The following SHROOM3 variants were observed in gnomAD, a reference collection of about 807,000 sequenced individuals.
SHROOM3 encodes the protein protein Shroom3.
In SHROOM3, 47 loss-of-function variants were observed where a neutral mutation model predicts 138.6. The ratio of observed to expected loss-of-function variants is 0.34; its 90% CI spans 0.27 to 0.43. SHROOM3 has a LOEUF of 0.43. SHROOM3 is among the 20% of genes least tolerant of loss of function. SHROOM3 has a pLI of 1.00. For missense variants in SHROOM3, 2,491 were observed against 2,596.5 expected, an observed-to-expected ratio of 0.96 and a Z score of 0.88; for synonymous variants, 1,062 against 1,063.3, an observed-to-expected ratio of 1.00 and a Z score of 0.02.
intron 1 of SHROOM3, among the ~76,000 whole-genome samples, chr4:76,550,595 T>G (rs1733330586): frequency 1.3e-5 from 2 of 152,056 alleles, no homozygotes; most frequent in African/African-American, 2.4e-5. Flanking sequence ...TGGTAATAAT[T>G]AAAACCCCAA....
At chr4:76,642,167 A>G (rs1735689092) in intron 2 of SHROOM3, among the ~76,000 whole-genome samples, 2 of 152,220 alleles carry the variant, frequency 1.3e-5, no homozygotes, top group South Asian at 2.1e-4. Context: ...GTTACAAAGT[A>G]ACAAAGCAAT....
At chr4:76,737,505 A>ACTT (rs962908239) in intron 4 of SHROOM3, among the ~76,000 whole-genome samples, 9 of 151,944 alleles carry the variant, frequency 5.9e-5, no homozygotes, top group African/African-American at 9.7e-5. Flanking sequence ...AAACTGCCAA[A>ACTT]CTTCTTTTAA....
intron 10 of SHROOM3, among the ~76,000 whole-genome samples, chr4:76,771,931 A>G (rs1722374122): frequency 6.6e-6 from 1 of 152,154 alleles, no homozygotes; most frequent in Admixed American, 6.5e-5. Context: ...TGAGCAAAGC[A>G]GACAGATCCT....
At chr4:76,478,524 T>TG (rs1183324982) in intron 1 of SHROOM3, among the ~76,000 whole-genome samples, 1 of 152,194 alleles carries the variant, frequency 6.6e-6, no homozygotes, top group Non-Finnish European at 1.5e-5. Context: ...ACAGAGCACC[T>TG]GGGGGAAGGG....
chr4:76,500,100 A>G (rs1198090467), intron 1 of SHROOM3, among the ~76,000 whole-genome samples: 1 of 152,192 alleles, frequency 6.6e-6, no homozygotes, highest in Non-Finnish European at 1.5e-5. Flanking sequence ...ATCTGACTTC[A>G]GAGTCCATGC....
At chr4:76,527,438 T>C (rs948328313) in intron 1 of SHROOM3, among the ~76,000 whole-genome samples, 1 of 151,972 alleles carries the variant, frequency 6.6e-6, no homozygotes, top group African/African-American at 2.4e-5. Flanking sequence ...CAAAAATTAG[T>C]TTGGCATAGT....
chr4:76,738,586 C>G (rs1281367551), intron 4 of SHROOM3, among the ~76,000 whole-genome samples, 175 bp from the exon 5 acceptor site: 1 of 152,214 alleles, frequency 6.6e-6, no homozygotes, highest in South Asian at 2.1e-4. Flanking sequence ...TGGGCAGTTA[C>G]TCCTAGCGAT....
chr4:76,701,772 TA>T (rs1719907298), intron 2 of SHROOM3, among the ~76,000 whole-genome samples: 1 of 152,194 alleles, frequency 6.6e-6, no homozygotes, highest in African/African-American at 2.4e-5. Context: ...TTTCAGCAGT[TA>T]TTGGAGCTCT....
chr4:76,550,589 A>G (rs1004345426), intron 1 of SHROOM3, among the ~76,000 whole-genome samples: 1 of 152,204 alleles, frequency 6.6e-6, no homozygotes, highest in Admixed American at 6.5e-5. Flanking sequence ...CTTCTTTGGT[A>G]ATAATTAAAA....
At chr4:76,674,570 T>G (rs1476981863) in intron 2 of SHROOM3, among the ~76,000 whole-genome samples, 1 of 144,182 alleles carries the variant, frequency 6.9e-6, no homozygotes, top group Admixed American at 6.9e-5. Flanking sequence ...TTTTTTTTTT[T>G]TTTTTTGTTT....
At chr4:76,438,208 G>A (rs1197815571) in intron 1 of SHROOM3, among the ~76,000 whole-genome samples, 1 of 152,140 alleles carries the variant, frequency 6.6e-6, no homozygotes, top group East Asian at 1.9e-4. Flanking sequence ...ACCAAAAGAT[G>A]GCTCTATGAT....
chr4:76,464,762 C>CT (rs1731218334), intron 1 of SHROOM3, among the ~76,000 whole-genome samples: 1 of 152,100 alleles, frequency 6.6e-6, no homozygotes, highest in Non-Finnish European at 1.5e-5. Context: ...GTGTGTAGCA[C>CT]TTCCCTCTTT....
intron 2 of SHROOM3, among the ~76,000 whole-genome samples, chr4:76,586,751 A>G (rs1436388015): frequency 2.0e-5 from 3 of 152,256 alleles, no homozygotes; most frequent in Admixed American, 2.0e-4. Flanking sequence ...TCAAATGATA[A>G]CAGAGTAAAG....
chr4:76,775,144 A>G (rs1473181004), intron 10 of SHROOM3, among the ~76,000 whole-genome samples: 2 of 152,010 alleles, frequency 1.3e-5, no homozygotes, highest in East Asian at 1.9e-4. Context: ...AGTCCTTTGT[A>G]TCCTTCTTAT....
chr4:76,648,236 G>T (rs1735869560), intron 2 of SHROOM3, among the ~76,000 whole-genome samples: 1 of 152,152 alleles, frequency 6.6e-6, no homozygotes, highest in Non-Finnish European at 1.5e-5. Context: ...GCTGGGATGG[G>T]AGGATTGCTT....
intron 1 of SHROOM3, among the ~76,000 whole-genome samples, chr4:76,475,869 C>T (rs969339576): frequency 5.3e-5 from 8 of 152,148 alleles, no homozygotes; most frequent in Non-Finnish European, 1.2e-4. Context: ...TGTAACATTC[C>T]ACAGTAGGGA....
chr4:76,544,261 AT>A (rs1423620598), intron 1 of SHROOM3, among the ~76,000 whole-genome samples: 1 of 152,156 alleles, frequency 6.6e-6, no homozygotes, highest in Non-Finnish European at 1.5e-5. Flanking sequence ...AACAAAACAA[AT>A]GAGTATGAAA....
chr4:76,554,702 G>A (rs901100887), intron 1 of SHROOM3, among the ~76,000 whole-genome samples: 2 of 152,204 alleles, frequency 1.3e-5, no homozygotes, highest in South Asian at 2.1e-4. Flanking sequence ...TTACAGGCAT[G>A]AGCCACCGTA....
chr4:76,673,933 C>A (rs777211734), intron 2 of SHROOM3, among the ~76,000 whole-genome samples: 1 of 152,150 alleles, frequency 6.6e-6, no homozygotes, highest in African/African-American at 2.4e-5. Context: ...ACTGCAGTGG[C>A]GCAATCGTAG....
Sources: allele counts gnomAD v4.1 joint callset (sites outside exome capture counted in the v4.1 genomes callset), GRCh38; gene constraint gnomAD v4.1.1; transcripts MANE v1.5; gene names NCBI Gene and HGNC (gene_info 2026-07-23, HGNC 2026-07-21).